ELAVL4: variants seen among roughly 807,000 people sequenced by gnomAD.
ELAVL4 encodes the protein ELAV-like protein 4.
Under a neutral mutation model 35.6 loss-of-function variants are expected in ELAVL4, and 1 was observed. The ratio of observed to expected loss-of-function variants is 0.03; its 90% CI spans 0.01 to 0.13. The LOEUF (loss-of-function observed/expected upper bound fraction) is 0.13. Among genes scored for constraint, ELAVL4 ranks in the 10% least tolerant of loss-of-function variants. The pLI, the probability that ELAVL4 is intolerant of heterozygous loss-of-function variation, is 1.00. For synonymous variants in ELAVL4, 156 were observed against 171.0 expected, an observed-to-expected ratio of 0.91 and a Z score of 0.69; for missense variants, 267 against 464.9, an observed-to-expected ratio of 0.57 and a Z score of 3.91.
intron 1 of ELAVL4, among the ~76,000 whole-genome samples, chr1:50,077,900 C>A (rs1383680607): frequency 6.6e-6 from 1 of 152,134 alleles, no homozygotes; most frequent in African/African-American, 2.4e-5. Flanking sequence ...TGTTGCTGCA[C>A]ACAGATTCCC....
chr1:50,192,507 T>C (rs2148876187), intron 3 of ELAVL4, among the ~76,000 whole-genome samples: 1 of 135,456 alleles, frequency 7.4e-6, no homozygotes, highest in South Asian at 2.5e-4. Context: ...GCACACATGC[T>C]TTTGTGTGCA....
At chr1:50,071,881 C>T (rs923547899) in intron 1 of ELAVL4, among the ~76,000 whole-genome samples, 3 of 152,044 alleles carry the variant, frequency 2.0e-5, no homozygotes, top group East Asian at 1.9e-4. Context: ...AGAGAACATA[C>T]GTGATAGCAG....
At chr1:50,151,330 T>C (rs774001498) in intron 2 of ELAVL4, among the ~76,000 whole-genome samples, 4 of 152,150 alleles carry the variant, frequency 2.6e-5, no homozygotes, top group Non-Finnish European at 4.4e-5. Flanking sequence ...TTTTGGAAAA[T>C]AGCACACAGT....
intron 2 of ELAVL4, among the ~76,000 whole-genome samples, chr1:50,154,386 A>G (rs1675349216): frequency 7.8e-6 from 1 of 128,184 alleles, no homozygotes; most frequent in South Asian, 2.8e-4. Context: ...CTTTCCACCT[A>G]CTTAGTTCTT....
At chr1:50,186,811 G>A (rs1423046961) in intron 3 of ELAVL4, among the ~76,000 whole-genome samples, 1 of 146,518 alleles carries the variant, frequency 6.8e-6, no homozygotes, top group African/African-American at 2.5e-5. Context: ...GAACTCATTA[G>A]AACCATTTCC....
intron 1 of ELAVL4, among the ~76,000 whole-genome samples, chr1:50,090,283 C>G (rs1315813930): frequency 1.3e-5 from 2 of 152,124 alleles, no homozygotes; most frequent in Admixed American, 6.5e-5. Flanking sequence ...AAATCCCCAC[C>G]TCTCCTTTCT....
At chr1:50,109,682 G>C (rs1020057627) in intron 1 of ELAVL4, 1 of 504,594 alleles carries the variant, frequency 2.0e-6, no homozygotes, top group Admixed American at 3.2e-5. Flanking sequence ...GTTGTGTTTC[G>C]GGGGACTGCG....
chr1:50,134,536 G>T (rs1671569884), intron 1 of ELAVL4, among the ~76,000 whole-genome samples: 1 of 152,050 alleles, frequency 6.6e-6, no homozygotes, highest in Non-Finnish European at 1.5e-5. Context: ...GGAAGAAATT[G>T]TTTTCCAATC....
intron 2 of ELAVL4, among the ~76,000 whole-genome samples, chr1:50,176,469 G>A (rs1046895124): frequency 5.3e-5 from 8 of 152,154 alleles, no homozygotes; most frequent in African/African-American, 1.9e-4. Context: ...GCATGACCGA[G>A]GCAATAGACA....
Position 50,068,921 on chromosome 1 carries a change from A to G in ELAVL4, c.18+20739A>G, listed in dbSNP as rs371049796. ...GTGGTTTTATTGACCATAGAGCTGT[A>G]CCTGATTTAAACAGGGTATGGTAAC... is the stretch of plus-strand genomic sequence containing the variant. On this transcript the variant is annotated intron_variant, in intron 1 of 6. Coordinates refer to the ELAVL4 transcript ENST00000448907. Among the ~76,000 whole-genome samples the G allele has an allele frequency of 3.0e-4, 46 of 152,342 alleles. 1 individual carries two copies. The South Asian group carries it at 8.7e-3, about 29-fold the overall frequency.
chr1:50,136,792 C>T (rs979409859), intron 1 of ELAVL4, among the ~76,000 whole-genome samples: 11 of 152,084 alleles, frequency 7.2e-5, no homozygotes, highest in East Asian at 5.8e-4. Context: ...TTGATCCTTT[C>T]GCATGAATTG....
intron 2 of ELAVL4, among the ~76,000 whole-genome samples, chr1:50,159,777 T>C (rs1277689510): frequency 6.6e-6 from 1 of 152,112 alleles, no homozygotes; most frequent in Non-Finnish European, 1.5e-5. Context: ...ATGGAGTCCT[T>C]GGAGGATAAA....
Position 50,203,292 on chromosome 1 carries a change from G to A in ELAVL4, c.*2114G>A, listed in dbSNP as rs919085663. On this transcript the variant is annotated 3_prime_UTR_variant, in exon 7 of 7. Coordinates refer to ENST00000371824, the MANE Select transcript of ELAVL4 (RefSeq NM_001144774.3). ...AGGACTGTTGTTTTCACACTGAAAA[G>A]GCAAACTTTGTAGTAGTCGTTGTAG... The A allele has an allele frequency of 3.9e-5, 6 of 152,122 alleles. No homozygotes were observed. The highest frequency in any genetic ancestry group is 8.8e-5 in the Non-Finnish European group (6 of 68,004). The allele number at this position is 152,122 out of a possible 1,614,324, so 9.4% of individuals were successfully genotyped here.
intron 1 of ELAVL4, among the ~76,000 whole-genome samples, chr1:50,123,196 T>TAAATATTC: frequency 6.6e-6 from 1 of 152,198 alleles, no homozygotes; most frequent in Admixed American, 6.5e-5. Flanking sequence ...TTCATCTGTT[T>TAAATATTC]ATCTCCACCT....
intron 2 of ELAVL4, among the ~76,000 whole-genome samples, chr1:50,151,091 A>C (rs1674702621): frequency 6.6e-6 from 1 of 152,228 alleles, no homozygotes; most frequent in Admixed American, 6.5e-5. Flanking sequence ...ACTTGAAATC[A>C]GGAGCAGTTG....
At chr1:50,106,192 G>C (rs1666290458), upstream of ELAVL4, 1 of 839,824 alleles carries the variant, frequency 1.2e-6, no homozygotes. Context: ...TCTCCACTGC[G>C]CGGAGTAGGT....
chr1:50,112,974 G>A (rs766438765), intron 1 of ELAVL4, among the ~76,000 whole-genome samples: 5 of 152,156 alleles, frequency 3.3e-5, no homozygotes, highest in Non-Finnish European at 7.4e-5. Flanking sequence ...AATGAACTGC[G>A]CATTTGCCTT....
At chr1:50,077,777 A>G (rs1381208002) in intron 1 of ELAVL4, among the ~76,000 whole-genome samples, 1 of 152,226 alleles carries the variant, frequency 6.6e-6, no homozygotes, top group East Asian at 1.9e-4. Flanking sequence ...GCTTAATTTT[A>G]TCCAGTGCTT....
chr1:50,108,649 G>A (rs992405549), upstream of ELAVL4, among the ~76,000 whole-genome samples: 52 of 152,102 alleles, frequency 3.4e-4, no homozygotes, highest in African/African-American at 1.2e-3. Context: ...AGTTGTTACA[G>A]TACTTTTGAG....
Sources: gnomAD v4.1 joint callset for allele counts (sites outside exome capture counted in the v4.1 genomes callset) on GRCh38, gnomAD v4.1.1 for gene constraint, MANE v1.5 for transcripts, NCBI Gene and HGNC (gene_info 2026-07-23, HGNC 2026-07-21) for gene names.